Variants in MMP20 observed in about 807,000 individuals in gnomAD.
The protein encoded by MMP20 is matrix metalloproteinase-20.
A neutral mutation model predicts 51.8 loss-of-function variants in MMP20; 50 were observed. The ratio of observed to expected loss-of-function variants is 0.97; its 90% CI spans 0.77 to 1.22. The LOEUF (loss-of-function observed/expected upper bound fraction) is 1.22, where lower values mean the gene tolerates loss of function less well. Ranked by LOEUF, MMP20 falls within the 50% of genes most tolerant of loss-of-function variation. MMP20 has a pLI of 0.00. For missense variants in MMP20, 663 were observed against 601.4 expected (o/e 1.10, Z -1.07); for synonymous variants, 244 against 216.2 (o/e 1.13, Z -1.13).
At chr11:102,608,634 A>G (rs1859550628) in intron 5 of MMP20, among the ~76,000 whole-genome samples, 1 of 152,216 alleles carries the variant, frequency 6.6e-6, no homozygotes, top group Non-Finnish European at 1.5e-5. Context: ...ACTATAAACT[A>G]TATCCATCCT....
chr11:102,597,148 T>C (rs572359205), intron 6 of MMP20, among the ~76,000 whole-genome samples: 2 of 152,326 alleles, frequency 1.3e-5, no homozygotes, highest in East Asian at 3.9e-4. Context: ...GTCTGAATGA[T>C]GTCTCTGATG....
At chr11:102,610,183 A>T (rs900419504) in intron 3 of MMP20, among the ~76,000 whole-genome samples, 153 bp from the exon 4 acceptor site, 1 of 152,220 alleles carries the variant, frequency 6.6e-6, no homozygotes, top group Admixed American at 6.5e-5. Context: ...TCATTTGTCA[A>T]TGAGTAACAG....
chr11:102,624,401 CATATATATATATATATATATATATAT>C (rs58212685), intron 1 of MMP20, among the ~76,000 whole-genome samples: 24,832 of 140,228 alleles, frequency 0.18, 2,471 homozygotes, highest in East Asian at 0.34. Context: ...CGCTTGGAAG[CATATATATATATATATATATATATAT>C]ATATATATAT....
intron 8 of MMP20, among the ~76,000 whole-genome samples, chr11:102,580,144 T>C (rs1345928519): frequency 1.3e-5 from 2 of 152,258 alleles, no homozygotes; most frequent in African/African-American, 4.8e-5. Flanking sequence ...GATTTCTTTT[T>C]CTGGATCAGC....
At position 102,585,982 on chromosome 11, in the gene MMP20, C is replaced by T. The variant is rs138723660; in HGVS notation, c.1248-6840G>A. The stretch of plus-strand genomic sequence containing the variant: ...GTCTTGGTGTATAATTCTTTTCATA[C>T]GTTGCTGGATTTAGGTTGTTGGTGT... On this transcript the variant is annotated intron_variant, in intron 8 of 9. Coordinates refer to ENST00000260228, the MANE Select transcript of MMP20 (RefSeq NM_004771.4). Among the ~76,000 whole-genome samples, 481 of 152,050 alleles carry T rather than the reference C, an allele frequency of 3.2e-3. 1 individual carries two copies. Among genetic ancestry groups the T allele is most frequent in the Non-Finnish European group, 5.0e-3 (341 of 67,974 alleles).
At chr11:102,603,826 C>T (rs891047214) in intron 6 of MMP20, among the ~76,000 whole-genome samples, 4 of 152,140 alleles carry the variant, frequency 2.6e-5, no homozygotes, top group Non-Finnish European at 2.9e-5. Flanking sequence ...TAAGCAGATA[C>T]GTACATTGTA....
chr11:102,609,524 G>A (rs979246053), intron 4 of MMP20, among the ~76,000 whole-genome samples: 2 of 152,128 alleles, frequency 1.3e-5, no homozygotes, highest in African/African-American at 4.8e-5. Context: ...ATGATATTCT[G>A]GAAACTTTAT....
intron 1 of MMP20, among the ~76,000 whole-genome samples, chr11:102,621,841 A>T (rs1859754723): frequency 6.6e-6 from 1 of 152,252 alleles, no homozygotes; most frequent in African/African-American, 2.4e-5. Flanking sequence ...TAACAATTTT[A>T]AAAAGTCTTT....
rs1400800069 is a variant in MMP20, at chr11:102,576,987, G to A, written c.*339C>T. 7.1e-6 allele frequency: 2 copies of A among 281,640 alleles called. No homozygotes were observed. Among genetic ancestry groups the A allele is most frequent in the Non-Finnish European group, 1.4e-5 (2 of 145,788 alleles). The allele number at this position is 281,640 out of a possible 1,614,324, so 17.4% of individuals were successfully genotyped here. On this transcript the variant is annotated 3_prime_UTR_variant, in exon 10 of 10. Coordinates refer to ENST00000260228, the MANE Select transcript of MMP20 (RefSeq NM_004771.4). ...GAAAAGAATTACAATATATGTCATG[G>A]AATCCACCACTAGTCTTCCTCCTGG... is the stretch of plus-strand genomic sequence containing the variant.
intron 8 of MMP20, among the ~76,000 whole-genome samples, chr11:102,580,488 C>T (rs1859180003): frequency 6.6e-6 from 1 of 152,202 alleles, no homozygotes; most frequent in South Asian, 2.1e-4. Context: ...AGGGATAACT[C>T]TCTAGTGATG....
intron 3 of MMP20, 130 bp from the exon 4 acceptor site, chr11:102,610,160 T>A (rs1357508533): frequency 9.4e-7 from 1 of 1,065,348 alleles, no homozygotes; most frequent in Non-Finnish European, 1.4e-6. Context: ...ATTTATTTGT[T>A]ATAATGGGAA....
intron 6 of MMP20, among the ~76,000 whole-genome samples, chr11:102,602,044 G>A (rs533125065): frequency 3.1e-4 from 47 of 149,716 alleles, no homozygotes; most frequent in Middle Eastern, 3.5e-3. Context: ...CCGCCTCCCG[G>A]GTTCACGCCA....
chr11:102,618,807 T>C (rs531829602), intron 1 of MMP20, among the ~76,000 whole-genome samples: 1 of 152,312 alleles, frequency 6.6e-6, no homozygotes, highest in Admixed American at 6.5e-5. Context: ...TCCAAAAGTT[T>C]TTACAATGAG....
At chr11:102,608,471 G>T (rs1438511537) in intron 5 of MMP20, among the ~76,000 whole-genome samples, 3 of 152,282 alleles carry the variant, frequency 2.0e-5, no homozygotes, top group African/African-American at 7.2e-5. Flanking sequence ...CCCACAGGTT[G>T]GTTGTGAGGC....
At chr11:102,581,988 T>C (rs955374901) in intron 8 of MMP20, among the ~76,000 whole-genome samples, 1 of 152,234 alleles carries the variant, frequency 6.6e-6, no homozygotes, top group Non-Finnish European at 1.5e-5. Context: ...CTAGAAATAG[T>C]GATCTGAATT....
At chr11:102,612,991 C>A (rs1047342870) in intron 2 of MMP20, among the ~76,000 whole-genome samples, 1 of 152,118 alleles carries the variant, frequency 6.6e-6, no homozygotes, top group Non-Finnish European at 1.5e-5. Flanking sequence ...CCCTCCTCAG[C>A]CTCCCAAAGT....
At chr11:102,593,398 C>T (rs750923051) in intron 8 of MMP20, 41 bp downstream of exon 8, 2 of 1,589,158 alleles carry the variant, frequency 1.3e-6, no homozygotes, top group African/African-American at 1.4e-5. Context: ...AAATCATTCT[C>T]ATTAAATAAA....
intron 6 of MMP20, among the ~76,000 whole-genome samples, chr11:102,602,496 T>G (rs1859461127): frequency 6.6e-6 from 1 of 152,180 alleles, no homozygotes; most frequent in Non-Finnish European, 1.5e-5. Context: ...AGCTCGGAAG[T>G]GCTCTTCCTA....
chr11:102,593,138 G>A (rs1859336415), intron 8 of MMP20, among the ~76,000 whole-genome samples: 1 of 152,182 alleles, frequency 6.6e-6, no homozygotes, highest in African/African-American at 2.4e-5. Flanking sequence ...TAGGGATTTG[G>A]TGATGCTGCA....
Sources: gnomAD v4.1 joint callset for allele counts (sites outside exome capture counted in the v4.1 genomes callset) on GRCh38, gnomAD v4.1.1 for gene constraint, MANE v1.5 for transcripts, NCBI Gene and HGNC (gene_info 2026-07-23, HGNC 2026-07-21) for gene names.